The following RBFOX1 variants were observed in gnomAD, a reference collection of about 807,000 sequenced individuals.
The protein encoded by RBFOX1 is RNA binding protein fox-1 homolog 1.
In RBFOX1, 8 loss-of-function variants were observed where a neutral mutation model predicts 57.7. That is an observed-to-expected ratio of 0.14 (90% CI 0.08 to 0.25). RBFOX1 has a LOEUF of 0.25. Among genes scored for constraint, RBFOX1 ranks in the 10% least tolerant of loss-of-function variants. The probability of loss-of-function intolerance (pLI) is 1.00; values close to 1 mark genes in which losing one functional copy is unlikely to be tolerated. For synonymous variants in RBFOX1, 326 were observed against 222.4 expected (o/e 1.47, Z -4.15); for missense variants, 611 against 548.5 (o/e 1.11, Z -1.14).
chr16:6,222,701 T>TATG (rs1193988923), intron 1 of RBFOX1, among the ~76,000 whole-genome samples: 1 of 149,038 alleles, frequency 6.7e-6, no homozygotes, highest in African/African-American at 2.4e-5. Flanking sequence ...TTATTATTAT[T>TATG]ATTATTATTA....
intron 4 of RBFOX1, among the ~76,000 whole-genome samples, chr16:7,325,543 C>A (rs916938251): frequency 6.6e-6 from 1 of 152,170 alleles, no homozygotes; most frequent in African/African-American, 2.4e-5. Context: ...GGCTCATTTG[C>A]ATACACTAAC....
chr16:7,355,028 T>C (rs1477826565), intron 4 of RBFOX1, among the ~76,000 whole-genome samples: 1 of 152,246 alleles, frequency 6.6e-6, no homozygotes, highest in Non-Finnish European at 1.5e-5. Flanking sequence ...ACTTGCCCTG[T>C]ACCAGACAGT....
chr16:6,441,808 G>C (rs1385799160), intron 2 of RBFOX1, among the ~76,000 whole-genome samples: 1 of 152,176 alleles, frequency 6.6e-6, no homozygotes, highest in African/African-American at 2.4e-5. Flanking sequence ...CCCTTGAAGA[G>C]AGATGGACTA....
intron 3 of RBFOX1, among the ~76,000 whole-genome samples, chr16:7,047,636 A>G (rs546984022): frequency 2.1e-5 from 3 of 140,298 alleles, no homozygotes; most frequent in Non-Finnish European, 4.6e-5. Context: ...TTTGCAGTGA[A>G]CTCTTTATCC....
chr16:6,659,195 T>C (rs35635131), intron 3 of RBFOX1, among the ~76,000 whole-genome samples: 10,255 of 151,764 alleles, frequency 0.068, 355 homozygotes, highest in African/African-American at 0.085. Context: ...GAGAGGCTGA[T>C]GGATCAGTCA....
At chr16:6,909,930 C>G (rs1027839721) in intron 3 of RBFOX1, among the ~76,000 whole-genome samples, 3 of 151,942 alleles carry the variant, frequency 2.0e-5, no homozygotes, top group African/African-American at 7.2e-5. Context: ...CTTTTTTTTG[C>G]TTAGCAAACT....
intron 4 of RBFOX1, among the ~76,000 whole-genome samples, chr16:7,078,461 C>T (rs1317339171): frequency 6.6e-6 from 1 of 152,100 alleles, no homozygotes; most frequent in Non-Finnish European, 1.5e-5. Context: ...GGTTCTCCTA[C>T]CTCAGTCTCC....
At chr16:5,266,534 T>C (rs1227970717) in intron 1 of RBFOX1, among the ~76,000 whole-genome samples, 2 of 144,912 alleles carry the variant, frequency 1.4e-5, no homozygotes, top group African/African-American at 2.6e-5. Context: ...GTGTTGGTAA[T>C]ATGGAAATGT....
intron 3 of RBFOX1, among the ~76,000 whole-genome samples, chr16:6,678,349 C>G (rs1266463002): frequency 6.6e-6 from 1 of 151,994 alleles, no homozygotes; most frequent in Non-Finnish European, 1.5e-5. Flanking sequence ...GGTTTGAACT[C>G]CTGACCTCAA....
chr16:7,338,727 C>T (rs1317383380), intron 4 of RBFOX1, among the ~76,000 whole-genome samples: 1 of 152,058 alleles, frequency 6.6e-6, no homozygotes, highest in Non-Finnish European at 1.5e-5. Context: ...GAAACATCGG[C>T]CTTAACAATG....
At position 5,874,103 on chromosome 16, in the gene RBFOX1, G is replaced by A. The variant is rs559476589; in HGVS notation, c.351+6768G>A. 5.3e-5 allele frequency among the ~76,000 whole-genome samples: 8 copies of A among 152,298 alleles called. No homozygotes were observed. In the South Asian group the frequency reaches 1.7e-3, roughly 32 times the overall value. On this transcript the variant is annotated intron_variant, in intron 4 of 19. Transcript: ENST00000641259. ...TATTGGATAATTCAGAGGGTTTGAG[G>A]AAACAGGGTCAGGACCCATGGCACT...
intron 13 of RBFOX1, among the ~76,000 whole-genome samples, chr16:7,668,153 G>A (rs577104233): frequency 6.6e-6 from 1 of 152,136 alleles, no homozygotes; most frequent in Non-Finnish European, 1.5e-5. Context: ...GCTTTTCTAG[G>A]TGCCCTGCTC....
chr16:5,948,296 G>A (rs1029481578), intron 4 of RBFOX1, among the ~76,000 whole-genome samples: 14 of 152,128 alleles, frequency 9.2e-5, no homozygotes, highest in African/African-American at 3.4e-4. Flanking sequence ...TCAAGGAGAG[G>A]AGAGGACCAA....
At chr16:5,667,048 T>C (rs2049869217) in intron 3 of RBFOX1, among the ~76,000 whole-genome samples, 1 of 152,248 alleles carries the variant, frequency 6.6e-6, no homozygotes, top group African/African-American at 2.4e-5. Flanking sequence ...GTTGATAAGA[T>C]GCCTGTTCTG....
At chr16:5,689,850 T>C (rs1035643695) in intron 3 of RBFOX1, among the ~76,000 whole-genome samples, 5 of 151,396 alleles carry the variant, frequency 3.3e-5, no homozygotes, top group African/African-American at 1.2e-4. Context: ...TTATGTATTA[T>C]GGTAATCACA....
intron 3 of RBFOX1, among the ~76,000 whole-genome samples, chr16:5,797,572 C>T (rs980933115): frequency 6.6e-6 from 1 of 152,142 alleles, no homozygotes; most frequent in Non-Finnish European, 1.5e-5. Flanking sequence ...ACTTCTGAGC[C>T]CAGCCCTAAG....
chr16:6,918,250 C>G (rs1034899898), intron 3 of RBFOX1, among the ~76,000 whole-genome samples: 2 of 150,712 alleles, frequency 1.3e-5, no homozygotes, highest in Non-Finnish European at 1.5e-5. Flanking sequence ...CCATTGCAAT[C>G]CAGCCTGGGT....
chr16:6,946,909 C>T (rs1314802294), intron 3 of RBFOX1, among the ~76,000 whole-genome samples: 1 of 152,156 alleles, frequency 6.6e-6, no homozygotes, highest in Non-Finnish European at 1.5e-5. Flanking sequence ...ACATCCAGCC[C>T]AGAAACCTTT....
chr16:7,181,731 T>C (rs1203891108), intron 4 of RBFOX1, among the ~76,000 whole-genome samples: 2 of 152,052 alleles, frequency 1.3e-5, no homozygotes, highest in African/African-American at 4.8e-5. Flanking sequence ...GGCTAGGTTT[T>C]TGTATTTTTG....
Sources: gnomAD v4.1 joint callset for allele counts (sites outside exome capture counted in the v4.1 genomes callset) on GRCh38, gnomAD v4.1.1 for gene constraint, MANE v1.5 for transcripts, NCBI Gene and HGNC (gene_info 2026-07-23, HGNC 2026-07-21) for gene names.